Variants in SPSB1 observed in about 807,000 individuals in gnomAD.
The protein encoded by SPSB1 is SPRY domain-containing SOCS box protein 1.
SPSB1 carries 8 observed loss-of-function variants against 21.2 expected under a neutral mutation model. The observed-to-expected ratio is 0.38, with a 90% CI of 0.22 to 0.68. SPSB1 has a LOEUF of 0.68. SPSB1 is among the 30% of genes least tolerant of loss of function. SPSB1 has a pLI of 0.53. For synonymous variants in SPSB1, 169 were observed against 161.7 expected (o/e 1.05, Z -0.34); for missense variants, 242 against 377.8 (o/e 0.64, Z 2.98).
chr1:9,329,279 C>T (rs1049786683), intron 1 of SPSB1, among the ~76,000 whole-genome samples: 15 of 151,946 alleles, frequency 9.9e-5, no homozygotes, highest in African/African-American at 1.5e-4. Flanking sequence ...GGTGAGATCC[C>T]GGATGGGTGG....
chr1:9,357,623 G>C (rs1033867521), intron 2 of SPSB1, among the ~76,000 whole-genome samples: 3 of 152,204 alleles, frequency 2.0e-5, no homozygotes, highest in Admixed American at 2.0e-4. Flanking sequence ...GACTTCTTCA[G>C]TCATGAAGTT....
intron 1 of SPSB1, chr1:9,351,495 C>G (rs1640258147): frequency 6.6e-6 from 1 of 152,156 alleles, no homozygotes; most frequent in Non-Finnish European, 1.5e-5. Context: ...CGAGCAGAAG[C>G]TTGGAGAAGC....
chr1:9,311,686 A>G lies in SPSB1; in HGVS notation c.-150+18615A>G, dbSNP rs1411522340. Among the ~76,000 whole-genome samples the G allele has an allele frequency of 2.0e-5, 3 of 152,148 alleles. No homozygotes were observed. The East Asian group carries it at 5.8e-4, about 29-fold the overall frequency. On this transcript the variant is annotated intron_variant, in intron 1 of 2. Coordinates refer to ENST00000328089, the MANE Select transcript of SPSB1 (RefSeq NM_025106.4). ...CCGCTGCTTCTGGCAAAGAGCAGGA[A>G]TAGATAAGGGTCAGCACCCAGGATG... is the stretch of plus-strand genomic sequence containing the variant.
chr1:9,362,079 AGAG>A (rs1166258422), intron 2 of SPSB1, among the ~76,000 whole-genome samples: 2 of 152,216 alleles, frequency 1.3e-5, no homozygotes, highest in Non-Finnish European at 2.9e-5. Context: ...CCTCAAGATC[AGAG>A]CCTCCTCCCG....
In SPSB1 at chr1:9,356,700, C is replaced by T. The variant is rs1000281576; in HGVS notation, c.694+115C>T. On this transcript the variant is annotated intron_variant, in intron 2 of 2. Transcript: ENST00000328089. The surrounding 1 kb of genome is among the most constrained non-coding windows in gnomAD (Gnocchi z 7.4). ...CTAGAGTGTTTTGAAGACGATATTC[C>T]AGTGTATTCAGACCCTCAGAGGCAA... The T allele has an allele frequency of 1.5e-5, 22 of 1,445,674 alleles. No individual in the cohort carries two copies. Among genetic ancestry groups the T allele is most frequent in the South Asian group, 7.3e-5 (5 of 68,708 alleles). 89.6% of individuals were successfully genotyped at this position (1,445,674 alleles called of 1,614,324 possible).
At chr1:9,352,859 C>T (rs1010828878) in intron 1 of SPSB1, among the ~76,000 whole-genome samples, 1 of 147,302 alleles carries the variant, frequency 6.8e-6, no homozygotes, top group African/African-American at 2.5e-5. Context: ...CTCCTCCTCA[C>T]TCTTCCCACC....
chr1:9,327,043 C>T (rs1382245601), intron 1 of SPSB1, among the ~76,000 whole-genome samples: 2 of 152,090 alleles, frequency 1.3e-5, no homozygotes, highest in Non-Finnish European at 1.5e-5. Flanking sequence ...GGCAGGTGCT[C>T]AGGGCAGGGC....
rs1639789953 is a variant in SPSB1, at chr1:9,324,990, T to C, written c.-149-30753T>C. On this transcript the variant is annotated intron_variant, in intron 1 of 2. Coordinates refer to ENST00000328089, the MANE Select transcript of SPSB1 (RefSeq NM_025106.4). This position sits in a 1 kb window ranked among gnomAD's most constrained non-coding sequence, Gnocchi z 4.3. ...CGCCTGTGAGCGGGTCAGTACTGGG[T>C]AGGCAGCCCCATTGGGAGCCACAGC... is the stretch of plus-strand genomic sequence containing the variant. 6.6e-6 allele frequency among the ~76,000 whole-genome samples: 1 copy of C among 152,124 alleles called. No homozygotes were observed. The highest frequency in any genetic ancestry group is 2.4e-5 in the African/African-American group (1 of 41,434).
At chr1:9,295,292 A>T (rs548911930) in intron 1 of SPSB1, among the ~76,000 whole-genome samples, 32 of 151,998 alleles carry the variant, frequency 2.1e-4, no homozygotes, top group Non-Finnish European at 3.2e-4. Context: ...ATCACTTTAC[A>T]AGTCTTCCTT....
chr1:9,311,741 G>T (rs1408404203), intron 1 of SPSB1, among the ~76,000 whole-genome samples: 1 of 152,028 alleles, frequency 6.6e-6, no homozygotes, highest in Non-Finnish European at 1.5e-5. Context: ...AGTGGTAGAC[G>T]TGAAACGTGG....
At chr1:9,296,594 A>ATG (rs1553123076) in intron 1 of SPSB1, among the ~76,000 whole-genome samples, 1 of 151,968 alleles carries the variant, frequency 6.6e-6, no homozygotes, top group African/African-American at 2.4e-5. Context: ...ACATGTGTAC[A>ATG]CACACATACA....
rs1430589769 is a variant in SPSB1 at position 9,317,550 on chromosome 1, G to A, written c.-150+24479G>A. Among the ~76,000 whole-genome samples, 3 of 152,136 alleles carry A rather than the reference G, an allele frequency of 2.0e-5. No individual in the cohort carries two copies. Among genetic ancestry groups the A allele is most frequent in the East Asian group, 1.9e-4 (1 of 5,190 alleles). ...CCAGGCTGGGGACAAAGCTCACTGC[G>A]GCTTCTGCCTCCCAGGCTCGGGGAT... is the stretch of plus-strand genomic sequence containing the variant. On this transcript the variant is annotated intron_variant, in intron 1 of 2. Transcript: ENST00000328089. This position sits in a 1 kb window ranked among gnomAD's most constrained non-coding sequence, Gnocchi z 4.3.
chr1:9,320,859 A>G lies in SPSB1; in HGVS notation c.-150+27788A>G, dbSNP rs189685126. Among the ~76,000 whole-genome samples, 547 of 150,496 alleles carry G rather than the reference A, an allele frequency of 3.6e-3. 4 individuals carry two copies. The highest frequency in any genetic ancestry group is 0.012 in the African/African-American group (496 of 40,452). ...TACAACGTCCTGCGCCGGGTTTAGCAGGATGGAGTTAGAGTGAGCTCTGGC... is the reference window on the plus strand; with the variant it reads ...TACAACGTCCTGCGCCGGGTTTAGCGGGATGGAGTTAGAGTGAGCTCTGGC... On this transcript the variant is annotated intron_variant, in intron 1 of 2. Coordinates refer to ENST00000328089, the MANE Select transcript of SPSB1 (RefSeq NM_025106.4).
rs1440256543 is a variant in SPSB1 at position 9,321,960 on chromosome 1, C to T, written c.-150+28889C>T. ...TCTGGGCTCTCCAGTCACCTCTAAC[C>T]CTGTGGGGGACAACCACAATGTCTG... On this transcript the variant is annotated intron_variant, in intron 1 of 2. Transcript: ENST00000328089. This position sits in a 1 kb window ranked among gnomAD's most constrained non-coding sequence, Gnocchi z 4.8. 1.3e-5 allele frequency among the ~76,000 whole-genome samples: 2 copies of T among 152,156 alleles called. No homozygotes were observed. The highest frequency in any genetic ancestry group is 1.9e-4 in the East Asian group (1 of 5,192).
chr1:9,366,514 T>C (rs1008322087), intron 2 of SPSB1, among the ~76,000 whole-genome samples: 10 of 151,626 alleles, frequency 6.6e-5, no homozygotes, highest in African/African-American at 2.4e-4. Context: ...CTGCCTGGAT[T>C]CAGATCCCAG....
In SPSB1 at chr1:9,355,621, G is replaced by A. The variant is rs375460868; in HGVS notation, c.-149-122G>A. On this transcript the variant is annotated intron_variant, in intron 1 of 2. Coordinates refer to ENST00000328089, the MANE Select transcript of SPSB1 (RefSeq NM_025106.4). Reference sequence around the variant, plus strand: ...CAAGGCTCCAGCCTGCCCGTGTCAGGCATGACAGAGCCCAGGTGCAGGCTG... The same window carrying A: ...CAAGGCTCCAGCCTGCCCGTGTCAGACATGACAGAGCCCAGGTGCAGGCTG... 1.3e-5 allele frequency: 15 copies of A among 1,118,870 alleles called. No individual in the cohort carries two copies. The East Asian group carries it at 3.9e-4, about 29-fold the overall frequency. 69.3% of individuals were successfully genotyped at this position (1,118,870 alleles called of 1,614,324 possible).
At chr1:9,302,217 G>A (rs1639341394) in intron 1 of SPSB1, among the ~76,000 whole-genome samples, 1 of 152,220 alleles carries the variant, frequency 6.6e-6, no homozygotes, top group Non-Finnish European at 1.5e-5. Context: ...CAGTTGGTAA[G>A]GGGTGGACCT....
At position 9,356,338 on chromosome 1, in the gene SPSB1, C is replaced by T. The variant is rs1640362362; in HGVS notation, c.447C>T (p.Leu149=). The T allele has an allele frequency of 2.5e-6, 4 of 1,614,016 alleles. No individual in the cohort carries two copies. In the South Asian group the frequency reaches 3.3e-5, roughly 13 times the overall value. ...GCTGGGACTTGGGGCGCAACCGGCT[C>T]TACCACGATGGCAAGAACCAGCCAA... is the stretch of plus-strand genomic sequence containing the variant. ...SWGWDLGRNR[L]YHDGKNQPSK... The change falls in exon 2 of 3, where the codon CTC becomes CTT. Residue 149 remains leucine (L), a synonymous_variant. Transcript: ENST00000328089. The surrounding 1 kb of genome is among the most constrained non-coding windows in gnomAD (Gnocchi z 7.4).
At chr1:9,342,553 T>G (rs939571147) in intron 1 of SPSB1, among the ~76,000 whole-genome samples, 5 of 152,094 alleles carry the variant, frequency 3.3e-5, no homozygotes, top group Admixed American at 2.6e-4. Flanking sequence ...CGCCTAGGAA[T>G]CCAAACGTCC....
Sources: allele counts gnomAD v4.1 joint callset (sites outside exome capture counted in the v4.1 genomes callset), GRCh38; gene constraint gnomAD v4.1.1; non-coding constraint Gnocchi (gnomAD v3.1); transcripts MANE v1.5; gene names NCBI Gene and HGNC (gene_info 2026-07-23, HGNC 2026-07-21).